Variants in SOX5 observed in about 807,000 individuals in gnomAD.
The protein encoded by SOX5 is SRY-box transcription factor 5, also known as transcription factor SOX-5.
A neutral mutation model predicts 92.0 loss-of-function variants in SOX5; 9 were observed. The ratio of observed to expected loss-of-function variants is 0.10; its 90% CI spans 0.06 to 0.17. The LOEUF (loss-of-function observed/expected upper bound fraction) is 0.17, where lower values mean the gene tolerates loss of function less well. Among genes scored for constraint, SOX5 ranks in the 10% least tolerant of loss-of-function variants. The pLI, the probability that SOX5 is intolerant of heterozygous loss-of-function variation, is 1.00. For synonymous variants in SOX5, 344 were observed against 336.3 expected (o/e 1.02, Z -0.25); for missense variants, 642 against 944.5 (o/e 0.68, Z 4.20).
intron 1 of SOX5, among the ~76,000 whole-genome samples, chr12:24,452,565 A>C (rs888723888): frequency 6.6e-6 from 1 of 152,192 alleles, no homozygotes; most frequent in Non-Finnish European, 1.5e-5. Context: ...AAAGCACTAA[A>C]AAGAATTTGA....
At chr12:23,964,925 G>T (rs1020867262) in intron 4 of SOX5, among the ~76,000 whole-genome samples, 3 of 152,200 alleles carry the variant, frequency 2.0e-5, no homozygotes, top group African/African-American at 7.2e-5. Context: ...CTTTAGCGAA[G>T]AAATCAACTT....
chr12:23,872,976 A>G (rs191275414), intron 2 of SOX5, among the ~76,000 whole-genome samples: 18 of 152,342 alleles, frequency 1.2e-4, no homozygotes, highest in Admixed American at 9.1e-4. Flanking sequence ...TGCGTCGTCA[A>G]AATGACCATT....
At chr12:24,076,034 TA>T (rs1397092704) in intron 4 of SOX5, among the ~76,000 whole-genome samples, 1 of 152,162 alleles carries the variant, frequency 6.6e-6, no homozygotes, top group African/African-American at 2.4e-5. Flanking sequence ...AAAATGGTTG[TA>T]ACTTTCGCCC....
chr12:24,475,719 C>T (rs1945292936), intron 1 of SOX5, among the ~76,000 whole-genome samples: 1 of 152,204 alleles, frequency 6.6e-6, no homozygotes, highest in South Asian at 2.1e-4. Flanking sequence ...CAGTGGCTCA[C>T]ACCTGTAATC....
At chr12:23,736,879 G>T (rs1358286449) in intron 5 of SOX5, among the ~76,000 whole-genome samples, 1 of 151,724 alleles carries the variant, frequency 6.6e-6, no homozygotes, top group Non-Finnish European at 1.5e-5. Context: ...TTTTACTAGA[G>T]ACACGGTTTC....
At chr12:24,362,243 G>T (rs1955659226) in intron 2 of SOX5, among the ~76,000 whole-genome samples, 1 of 152,166 alleles carries the variant, frequency 6.6e-6, no homozygotes, top group Admixed American at 6.5e-5. Flanking sequence ...GTCATAAGGG[G>T]CACATTTGGA....
chr12:24,109,171 C>A (rs1431337017), intron 4 of SOX5, among the ~76,000 whole-genome samples: 2 of 152,068 alleles, frequency 1.3e-5, no homozygotes, highest in African/African-American at 4.8e-5. Context: ...GAGAGTATGT[C>A]TTTAAAGAGT....
intron 4 of SOX5, among the ~76,000 whole-genome samples, chr12:24,008,918 A>G (rs545906803): frequency 6.6e-6 from 1 of 152,306 alleles, no homozygotes; most frequent in South Asian, 2.1e-4. Flanking sequence ...CATGACTTCC[A>G]AGGCTAGGTC....
chr12:23,836,720 C>T (rs559051146), intron 3 of SOX5, among the ~76,000 whole-genome samples: 25 of 151,996 alleles, frequency 1.6e-4, no homozygotes, highest in African/African-American at 6.0e-4. Context: ...ATATGGCACC[C>T]TCATAATGAT....
chr12:23,742,080 GT>G (rs2093817062), intron 4 of SOX5, among the ~76,000 whole-genome samples: 1 of 152,064 alleles, frequency 6.6e-6, no homozygotes, highest in Admixed American at 6.6e-5. Context: ...ACTAAGCACT[GT>G]TTTACTACTG....
intron 1 of SOX5, among the ~76,000 whole-genome samples, chr12:23,938,298 T>C (rs890956862): frequency 6.6e-6 from 1 of 151,060 alleles, no homozygotes; most frequent in African/African-American, 2.4e-5. Context: ...AAGAAATCTA[T>C]GTATTTCTTC....
intron 6 of SOX5, among the ~76,000 whole-genome samples, chr12:23,726,288 T>A (rs1344149498): frequency 2.6e-5 from 4 of 152,170 alleles, no homozygotes; most frequent in Non-Finnish European, 4.4e-5. Context: ...ATGTTAGAGA[T>A]GTCTGGAATG....
At chr12:23,791,385 T>A (rs1212383941) in intron 3 of SOX5, among the ~76,000 whole-genome samples, 1 of 152,172 alleles carries the variant, frequency 6.6e-6, no homozygotes, top group Non-Finnish European at 1.5e-5. Context: ...TACTACAGCC[T>A]CAAATTGTAG....
intron 2 of SOX5, among the ~76,000 whole-genome samples, chr12:24,350,269 C>T (rs1353071253): frequency 1.3e-5 from 2 of 152,200 alleles, no homozygotes; most frequent in African/African-American, 2.4e-5. Flanking sequence ...GATCTGCTCC[C>T]TCTTTCTTAC....
intron 6 of SOX5, among the ~76,000 whole-genome samples, chr12:23,697,429 G>A (rs533442191): frequency 6.6e-6 from 1 of 152,232 alleles, no homozygotes; most frequent in African/African-American, 2.4e-5. Flanking sequence ...GCATTAACCT[G>A]TTTCTTTATA....
intron 2 of SOX5, among the ~76,000 whole-genome samples, chr12:24,348,357 T>C (rs1953600873): frequency 6.8e-6 from 1 of 147,358 alleles, no homozygotes; most frequent in African/African-American, 2.5e-5. Context: ...TGCAGCTCTA[T>C]TGACTCCTAT....
intron 4 of SOX5, among the ~76,000 whole-genome samples, chr12:24,093,660 TTTC>T (rs1944947688): frequency 6.6e-6 from 1 of 151,856 alleles, no homozygotes; most frequent in African/African-American, 2.4e-5. Flanking sequence ...CCACAATTTA[TTTC>T]TTGTCTGTTG....
chr12:23,851,988 C>T (rs1220646987), intron 2 of SOX5, among the ~76,000 whole-genome samples: 1 of 151,922 alleles, frequency 6.6e-6, no homozygotes, highest in Non-Finnish European at 1.5e-5. Context: ...TATGTAGTGG[C>T]CTAATCTAGA....
At chr12:23,628,132 T>C (rs1396187342) in intron 8 of SOX5, among the ~76,000 whole-genome samples, 2 of 152,058 alleles carry the variant, frequency 1.3e-5, no homozygotes, top group Non-Finnish European at 2.9e-5. Context: ...CTTTTTTTGT[T>C]GTTGTTTGGT....
Sources: allele counts gnomAD v4.1 joint callset (sites outside exome capture counted in the v4.1 genomes callset), GRCh38; gene constraint gnomAD v4.1.1; transcripts MANE v1.5; gene names NCBI Gene and HGNC (gene_info 2026-07-23, HGNC 2026-07-21).